The following CSMD3 variants were observed in gnomAD, a reference collection of about 807,000 sequenced individuals.
CSMD3 encodes CUB and Sushi multiple domains 3.
CSMD3 carries 177 observed loss-of-function variants against 435.2 expected under a neutral mutation model. The observed-to-expected ratio is 0.41, with a 90% CI of 0.36 to 0.46. CSMD3 has a LOEUF of 0.46. CSMD3 is among the 20% of genes least tolerant of loss of function. The pLI is 0.34. For missense variants in CSMD3, 4,265 were observed against 4,504.6 expected, an observed-to-expected ratio of 0.95 and a Z score of 1.52; for synonymous variants, 1,656 against 1,520.5, an observed-to-expected ratio of 1.09 and a Z score of -2.07.
At chr8:112,358,233 C>T (rs916847067) in intron 38 of CSMD3, among the ~76,000 whole-genome samples, 1 of 152,162 alleles carries the variant, frequency 6.6e-6, no homozygotes, top group East Asian at 1.9e-4. Flanking sequence ...CTGTATTTAC[C>T]CAATGCCTGT....
intron 5 of CSMD3, among the ~76,000 whole-genome samples, chr8:113,063,414 T>A (rs1255258473): frequency 6.6e-6 from 1 of 152,014 alleles, no homozygotes; most frequent in Admixed American, 6.5e-5. Context: ...CTACATTTTA[T>A]ACTAAAAATA....
intron 10 of CSMD3, among the ~76,000 whole-genome samples, chr8:112,908,516 T>C (rs1246033517): frequency 1.3e-5 from 2 of 151,544 alleles, no homozygotes; most frequent in Non-Finnish European, 3.0e-5. Flanking sequence ...TTGTCTTTCT[T>C]AGTTATTGTA....
Position 112,954,692 on chromosome 8 carries a change from A to T in CSMD3, c.1412T>A (p.Phe471Tyr). Residue 471 changes from phenylalanine to tyrosine, a missense_variant, in exon 8 of 71, where the codon TTT (phenylalanine) becomes TAT (tyrosine). Physicochemically the swap from Phe to Tyr is conservative, Grantham distance 22. Coordinates refer to ENST00000297405, the MANE Select transcript of CSMD3 (RefSeq NM_198123.2). The part of the protein sequence containing the change: ...LFPGKDNSNK[F>Y]SILNEGGIKT... ...AAAAGAAGTACACTCACAGATAGAA[A>T]ACTTGTTGCTGTTGTCTTTCCCTGG... The T allele has an allele frequency of 2.5e-6, 4 of 1,596,750 alleles. No homozygotes were observed. Among genetic ancestry groups the T allele is most frequent in the Non-Finnish European group, 3.4e-6 (4 of 1,165,378 alleles).
intron 1 of CSMD3, among the ~76,000 whole-genome samples, chr8:113,356,007 T>C (rs2094224651): frequency 6.6e-6 from 1 of 151,310 alleles, no homozygotes; most frequent in Non-Finnish European, 1.5e-5. Context: ...AGTCTAAACA[T>C]AAATATCTTT....
At chr8:113,039,731 A>T (rs1001990177) in intron 5 of CSMD3, among the ~76,000 whole-genome samples, 2 of 152,214 alleles carry the variant, frequency 1.3e-5, no homozygotes, top group Non-Finnish European at 2.9e-5. Flanking sequence ...TAAATGAAAA[A>T]CAGGACAGTA....
intron 8 of CSMD3, among the ~76,000 whole-genome samples, chr8:112,950,970 G>A (rs1209825769): frequency 2.0e-5 from 3 of 151,842 alleles, no homozygotes; most frequent in African/African-American, 7.2e-5. Flanking sequence ...CTGCTTGAAA[G>A]TGTCATTTAA....
rs1320049014 is a variant in CSMD3, at chr8:112,887,768, ACTT to A, written c.1634-28505_1634-28503del. Among the ~76,000 whole-genome samples, 8 of 151,720 alleles carry A rather than the reference ACTT, an allele frequency of 5.3e-5. No homozygotes were observed. In the East Asian group the frequency reaches 1.2e-3, roughly 22 times the overall value. On this transcript the variant is annotated intron_variant, in intron 10 of 70. Coordinates refer to ENST00000297405, the MANE Select transcript of CSMD3 (RefSeq NM_198123.2). ...AAAAAAAAACTTGAATGATCCAAGA[ACTT>A]AGGATTGTCGTAAATTTTTCACAGC...
At chr8:112,610,334 TA>T (rs78145810) in intron 22 of CSMD3, among the ~76,000 whole-genome samples, 25,267 of 145,362 alleles carry the variant, frequency 0.17, 2,410 homozygotes, top group Middle Eastern at 0.36. Context: ...AAGCTAAAAT[TA>T]AAAAAAAAAA....
intron 9 of CSMD3, among the ~76,000 whole-genome samples, chr8:112,942,690 A>G (rs2130774483): frequency 6.6e-6 from 1 of 151,804 alleles, no homozygotes; most frequent in East Asian, 1.9e-4. Context: ...GAAGGGAAAA[A>G]CAGTCACTGG....
At chr8:112,854,667 G>A (rs1196268132) in intron 11 of CSMD3, among the ~76,000 whole-genome samples, 12 of 152,194 alleles carry the variant, frequency 7.9e-5, no homozygotes, top group Admixed American at 7.9e-4. Flanking sequence ...GGAATTCACT[G>A]AGAAGGAATG....
chr8:113,124,442 G>T (rs1363495413), intron 4 of CSMD3, among the ~76,000 whole-genome samples: 1 of 151,398 alleles, frequency 6.6e-6, no homozygotes, highest in African/African-American at 2.4e-5. Flanking sequence ...GGAAAAGTTT[G>T]ATGGGACTCT....
chr8:113,349,593 G>GCAA (rs1260275386), intron 1 of CSMD3, among the ~76,000 whole-genome samples: 2 of 151,940 alleles, frequency 1.3e-5, no homozygotes, highest in African/African-American at 4.8e-5. Flanking sequence ...ACTAGCTTGG[G>GCAA]CAACACAGTG....
chr8:112,841,046 A>T (rs1311067249), intron 11 of CSMD3, among the ~76,000 whole-genome samples: 1 of 151,770 alleles, frequency 6.6e-6, no homozygotes. Flanking sequence ...TGTTTTAAAG[A>T]AAGATAAATC....
chr8:113,300,793 A>G (rs1421222943), intron 2 of CSMD3, among the ~76,000 whole-genome samples: 1 of 152,096 alleles, frequency 6.6e-6, no homozygotes, highest in Admixed American at 6.6e-5. Context: ...GCAGCAAGCA[A>G]TATACCCATG....
intron 13 of CSMD3, among the ~76,000 whole-genome samples, chr8:112,702,563 G>A (rs373624577): frequency 2.4e-4 from 37 of 152,046 alleles, no homozygotes; most frequent in African/African-American, 8.4e-4. Context: ...TTCTCTGCTC[G>A]CTTTTTGCAC....
Position 112,673,045 on chromosome 8 carries a change from T to G in CSMD3, c.2678-6630A>C, listed in dbSNP as rs148397896. On this transcript the variant is annotated intron_variant, in intron 16 of 70. Coordinates refer to ENST00000297405, the MANE Select transcript of CSMD3 (RefSeq NM_198123.2). Reference sequence around the variant, plus strand: ...GGTTTTGATCACAGGGATTTTGCCATAGGTGAATTAAAGAGGTGAACATTG... The same window carrying G: ...GGTTTTGATCACAGGGATTTTGCCAGAGGTGAATTAAAGAGGTGAACATTG... Among the ~76,000 whole-genome samples, 18 of 152,160 alleles carry G rather than the reference T, an allele frequency of 1.2e-4. No homozygotes were observed. The East Asian group carries it at 3.5e-3, about 29-fold the overall frequency.
At chr8:112,399,777 C>T (rs969319161) in intron 35 of CSMD3, among the ~76,000 whole-genome samples, 3 of 152,168 alleles carry the variant, frequency 2.0e-5, no homozygotes, top group Admixed American at 6.6e-5. Context: ...ATTCTTTCCT[C>T]TATTGTTCAA....
At chr8:112,673,110 T>G (rs1179448288) in intron 16 of CSMD3, among the ~76,000 whole-genome samples, 2 of 152,040 alleles carry the variant, frequency 1.3e-5, no homozygotes, top group East Asian at 1.9e-4. Flanking sequence ...GTGGAGTTGT[T>G]CTTGATAAAA....
At chr8:112,490,994 T>C (rs1275438652) in intron 31 of CSMD3, among the ~76,000 whole-genome samples, 2 of 152,166 alleles carry the variant, frequency 1.3e-5, no homozygotes, top group African/African-American at 4.8e-5. Context: ...CCAGCTGTTC[T>C]GGTAATGATG....
Sources: gnomAD v4.1 joint callset for allele counts (sites outside exome capture counted in the v4.1 genomes callset) on GRCh38, gnomAD v4.1.1 for gene constraint, MANE v1.5 for transcripts, NCBI Gene and HGNC (gene_info 2026-07-23, HGNC 2026-07-21) for gene names.